The following TBC1D32 variants were observed in gnomAD, a reference collection of about 807,000 sequenced individuals.
TBC1D32 encodes TBC1 domain family member 32.
Under a neutral mutation model 170.3 loss-of-function variants are expected in TBC1D32, and 151 were observed. That is an observed-to-expected ratio of 0.89 (90% confidence interval 0.78 to 1.01). The LOEUF is 1.01. Ranked by LOEUF, TBC1D32 falls within the 50% of genes least tolerant of loss-of-function variation. TBC1D32 has a pLI of 0.00. For synonymous variants in TBC1D32, 498 were observed against 488.0 expected, an observed-to-expected ratio of 1.02 and a Z score of -0.27; for missense variants, 1,464 against 1,457.1, an observed-to-expected ratio of 1.00 and a Z score of -0.08.
At chr6:121,238,965 T>G (rs1183998247) in intron 20 of TBC1D32, 105 bp downstream of exon 20, 3 of 530,300 alleles carry the variant, frequency 5.7e-6, no homozygotes, top group Non-Finnish European at 1.0e-5. Flanking sequence ...AATAAATATA[T>G]TAAAAAGTCT....
In TBC1D32 at chr6:121,090,904, C is replaced by T. The variant is rs369363758; in HGVS notation, c.3603G>A (p.Gln1201=). 2.9e-5 allele frequency: 46 copies of T among 1,612,676 alleles called. 1 individual carries two copies. In the East Asian group the frequency reaches 6.7e-4, roughly 23 times the overall value. ...YICIAVFKHL[Q]QDILQHTQTQ... ...TCTGAGTGTGCTGTAGAATGTCTTG[C>T]TGTAAATGTTTGAATACAGCTATAC... The change falls in exon 31 of 32, where the codon CAG becomes CAA. Residue 1201 remains glutamine, a synonymous_variant. Transcript: ENST00000398212.
At chr6:121,310,922 A>G (rs1775901816) in intron 3 of TBC1D32, 75 bp from the exon 4 acceptor site, 4 of 846,640 alleles carry the variant, frequency 4.7e-6, no homozygotes, top group Non-Finnish European at 7.8e-6. Context: ...TTTTTTCAAT[A>G]TAATTCCAAG....
In TBC1D32 at chr6:121,201,935, G is replaced by A. The variant is rs538807583; in HGVS notation, c.2570+3140C>T. Among the ~76,000 whole-genome samples the A allele has an allele frequency of 1.6e-4, 24 of 151,250 alleles. 1 individual carries two copies. The highest frequency in any genetic ancestry group is 3.4e-3 in the Middle Eastern group (1 of 294). On this transcript the variant is annotated intron_variant, in intron 22 of 31. Coordinates refer to ENST00000398212, the MANE Select transcript of TBC1D32 (RefSeq NM_152730.6). ...TGACTTTCAAAATTAAGCAATTAAA[G>A]AGACGGTTGGGTCACTTAATGAGAC...
At chr6:121,292,822 A>C (rs536666813) in intron 11 of TBC1D32, among the ~76,000 whole-genome samples, 1 of 152,186 alleles carries the variant, frequency 6.6e-6, no homozygotes, top group Non-Finnish European at 1.5e-5. Flanking sequence ...TCTTAGTGAA[A>C]GAGTAAGCAA....
chr6:121,300,117 T>G (rs561229655), intron 9 of TBC1D32, among the ~76,000 whole-genome samples: 2 of 152,296 alleles, frequency 1.3e-5, no homozygotes, highest in Admixed American at 1.3e-4. Context: ...ATATCATTAG[T>G]GTTCAAAATA....
intron 22 of TBC1D32, among the ~76,000 whole-genome samples, chr6:121,172,493 G>C (rs1787170716): frequency 5.3e-5 from 8 of 152,116 alleles, no homozygotes; most frequent in Admixed American, 5.2e-4. Context: ...GCCAAATCTA[G>C]GCAGGACTAC....
chr6:121,152,249 T>C (rs1784317181), intron 24 of TBC1D32, among the ~76,000 whole-genome samples: 1 of 152,218 alleles, frequency 6.6e-6, no homozygotes, highest in Admixed American at 6.5e-5. Flanking sequence ...TTATTCTTTC[T>C]TCACTTATGA....
intron 22 of TBC1D32, among the ~76,000 whole-genome samples, chr6:121,199,085 A>G (rs1660620695): frequency 6.6e-6 from 1 of 151,488 alleles, no homozygotes. Flanking sequence ...AAATTAAATC[A>G]TAATAAGGGT....
intron 22 of TBC1D32, among the ~76,000 whole-genome samples, chr6:121,184,927 T>C (rs917878882): frequency 6.6e-6 from 1 of 152,068 alleles, no homozygotes; most frequent in Non-Finnish European, 1.5e-5. Context: ...TTTGCCTCCT[T>C]TGCAGGAAGA....
chr6:121,217,617 G>C (rs934313325), intron 21 of TBC1D32, among the ~76,000 whole-genome samples: 7 of 152,142 alleles, frequency 4.6e-5, no homozygotes, highest in African/African-American at 1.7e-4. Context: ...CACAAAGAGG[G>C]GAACAACAGA....
chr6:121,197,284 C>A (rs1307535533), intron 22 of TBC1D32, among the ~76,000 whole-genome samples: 1 of 152,162 alleles, frequency 6.6e-6, no homozygotes, highest in African/African-American at 2.4e-5. Flanking sequence ...CCAGGCAGGA[C>A]TACAAATGGT....
At chr6:121,290,767 T>TA (rs1275512721) in intron 12 of TBC1D32, among the ~76,000 whole-genome samples, 1 of 151,628 alleles carries the variant, frequency 6.6e-6, no homozygotes, top group Non-Finnish European at 1.5e-5. Context: ...CCAACAATGA[T>TA]AGACTGGATT....
At chr6:121,278,934 G>T (rs1802621332) in intron 15 of TBC1D32, among the ~76,000 whole-genome samples, 187 bp downstream of exon 15, 2 of 151,992 alleles carry the variant, frequency 1.3e-5, no homozygotes, top group Non-Finnish European at 2.9e-5. Context: ...GGGGGAGTAA[G>T]GAAACCCATC....
intron 15 of TBC1D32, among the ~76,000 whole-genome samples, chr6:121,264,258 C>A (rs567604555): frequency 6.6e-6 from 1 of 152,042 alleles, no homozygotes; most frequent in African/African-American, 2.4e-5. Flanking sequence ...CACCACCAAC[C>A]CCACAGAGTC....
At position 121,195,184 on chromosome 6, in the gene TBC1D32, G is replaced by A. The variant is rs535898362; in HGVS notation, c.2570+9891C>T. Among the ~76,000 whole-genome samples the A allele has an allele frequency of 3.2e-4, 49 of 152,320 alleles. 1 individual carries two copies. The highest frequency in any genetic ancestry group is 2.4e-4 in the Non-Finnish European group (16 of 68,024). On this transcript the variant is annotated intron_variant, in intron 22 of 31. Transcript: ENST00000398212. ...CAGTTTTGAGTGGTGTCCAGAACAG[G>A]AGAAGGCTCTGCAACAGGTCCAGGC... is the stretch of plus-strand genomic sequence containing the variant.
chr6:121,101,588 C>G (rs1177333386), intron 30 of TBC1D32, among the ~76,000 whole-genome samples: 1 of 152,070 alleles, frequency 6.6e-6, no homozygotes, highest in Non-Finnish European at 1.5e-5. Flanking sequence ...GGACGTATCT[C>G]AAAATAATAA....
intron 13 of TBC1D32, among the ~76,000 whole-genome samples, chr6:121,283,209 G>T (rs139421899): frequency 1.5e-3 from 224 of 151,856 alleles, no homozygotes; most frequent in African/African-American, 5.2e-3. Flanking sequence ...CCTAGTTTTA[G>T]AACACTGTAT....
rs778155991 is a variant in TBC1D32, at chr6:121,334,269, A to C, written c.155+7T>G. The C allele has an allele frequency of 1.2e-6, 2 of 1,613,564 alleles. No homozygotes were observed. Among genetic ancestry groups the C allele is most frequent in the South Asian group, 1.1e-5 (1 of 91,050 alleles). ...TTATAGGCTTAAAACATCAAAAGCA[A>C]TTTTACTTGTGAAAATTTTCATCAG... On this transcript the variant is annotated splice_region_variant and intron_variant, in intron 1 of 31. Transcript: ENST00000398212.
chr6:121,282,524 T>C (rs1803166631), intron 13 of TBC1D32, among the ~76,000 whole-genome samples: 1 of 151,760 alleles, frequency 6.6e-6, no homozygotes, highest in African/African-American at 2.4e-5. Flanking sequence ...ATAAACACGC[T>C]GACTTCAGGT....
Sources: allele counts gnomAD v4.1 joint callset (sites outside exome capture counted in the v4.1 genomes callset), GRCh38; gene constraint gnomAD v4.1.1; transcripts MANE v1.5; gene names NCBI Gene and HGNC (gene_info 2026-07-23, HGNC 2026-07-21).